Variants in ITGA5 observed in about 807,000 individuals in gnomAD.
The protein encoded by ITGA5 is integrin subunit alpha 5, also known as integrin alpha-5.
In ITGA5, 55 loss-of-function variants were observed where a neutral mutation model predicts 146.3. The ratio of observed to expected loss-of-function variants is 0.38; its 90% CI spans 0.30 to 0.47. The LOEUF (loss-of-function observed/expected upper bound fraction) is 0.47. Among genes scored for constraint, ITGA5 ranks in the 20% least tolerant of loss-of-function variants. ITGA5 has a pLI of 0.99. For synonymous variants in ITGA5, 500 were observed against 531.8 expected (o/e 0.94, Z 0.82); for missense variants, 1,131 against 1,329.0 (o/e 0.85, Z 2.32).
At chr12:54,400,235 T>A (rs1419112191) in intron 25 of ITGA5, 1 of 420,564 alleles carries the variant, frequency 2.4e-6, no homozygotes, top group Non-Finnish European at 4.3e-6. Flanking sequence ...CATCCCTGAG[T>A]CTTATAGACA....
chr12:54,409,765 CTGTT>C lies in ITGA5; in HGVS notation c.350-172_350-169del, dbSNP rs746755377. The C allele has an allele frequency of 1.7e-5, 10 of 591,136 alleles. No homozygotes were observed. The highest frequency in any genetic ancestry group is 5.6e-5 in the African/African-American group (3 of 53,670). The allele number at this position is 591,136 out of a possible 1,614,324, so 36.6% of individuals were successfully genotyped here. A position where few individuals can be genotyped will look rare whatever the true frequency, so the allele number is the denominator to read the frequency against. ...GGAGCTTAATTCTGCTTTGTGTAGT[CTGTT>C]TGTGTAGCCTGACTTATCTCTCCAC... is the stretch of plus-strand genomic sequence containing the variant. On this transcript the variant is annotated intron_variant, in intron 2 of 29. Coordinates refer to ENST00000293379, the MANE Select transcript of ITGA5 (RefSeq NM_002205.5). This position sits in a 1 kb window ranked among gnomAD's most constrained non-coding sequence, Gnocchi z 4.7.
chr12:54,407,947 T>C (rs1440891988), intron 7 of ITGA5, 71 bp from the exon 8 acceptor site: 1 of 1,524,962 alleles, frequency 6.6e-7, no homozygotes, highest in African/African-American at 1.4e-5. Flanking sequence ...TATCCACCAA[T>C]CCCTTCCCCA....
intron 7 of ITGA5, 54 bp from the exon 8 acceptor site, chr12:54,407,930 T>TCTGGC: frequency 6.5e-7 from 1 of 1,546,120 alleles, no homozygotes; most frequent in Non-Finnish European, 8.8e-7. Flanking sequence ...ACCCCTCTGC[T>TCTGGC]CTGGCCTATC....
At chr12:54,418,745 C>T (rs545483247) in intron 1 of ITGA5, among the ~76,000 whole-genome samples, 3 of 152,112 alleles carry the variant, frequency 2.0e-5, no homozygotes, top group African/African-American at 4.8e-5. Context: ...GTCCTCTCCC[C>T]ACCGGACACA....
chr12:54,405,185 C>T lies in ITGA5; in HGVS notation c.1206G>A (p.Leu402=), dbSNP rs756825693. The change falls in exon 12 of 30, where the codon CTG becomes CTA. Residue 402 remains leucine, a synonymous_variant. Coordinates refer to ENST00000293379, the MANE Select transcript of ITGA5 (RefSeq NM_002205.5). ...ACTCACCATTGTAGCCATCCTGGTC[C>T]AGGTCCCCCAGGGGGGTCAAGGAGC... ...FGSSLTPLGD[L]DQDGYNDVAI... The T allele has an allele frequency of 6.2e-7, 1 of 1,605,212 alleles. No homozygotes were observed. The highest frequency in any genetic ancestry group is 2.2e-5 in the East Asian group (1 of 44,702).
intron 1 of ITGA5, among the ~76,000 whole-genome samples, chr12:54,414,131 G>A (rs1955978044): frequency 6.6e-6 from 1 of 152,168 alleles, no homozygotes; most frequent in Non-Finnish European, 1.5e-5. Flanking sequence ...CTTTCCTCCC[G>A]GCACACTACC....
chr12:54,402,017 A>G lies in ITGA5; in HGVS notation c.2210T>C (p.Met737Thr). The G allele has an allele frequency of 6.2e-7, 1 of 1,613,976 alleles. No homozygotes were observed. Among genetic ancestry groups the G allele is most frequent in the Admixed American group, 1.7e-5 (1 of 60,016 alleles). ...CAAACTTACACTGGCTCCTGCCTTC[A>G]TGGGGTTGCCCAGGTCACACACCAG... ...RLLVCDLGNP[M>T]KAGASLWGGL... The change falls in exon 21 of 30, where the codon ATG becomes ACG. Residue 737 changes from methionine (M) to threonine (T), a missense_variant. This residue lies in a region of ITGA5 where 889 missense variants were observed against 1,021.5 expected (regional missense o/e 0.87). Transcript: ENST00000293379.
Position 54,397,436 on chromosome 12 carries a change from G to A in ITGA5, c.2995C>T (p.Leu999=). The change falls in exon 29 of 30, where the codon CTG becomes TTG. Residue 999 remains leucine (L), a synonymous_variant. Transcript: ENST00000293379. ...TKAEGSYGVP[L]WIIILAILFG... Reference sequence around the variant, plus strand: ...AGGATGGCTAGGATGATGATCCACAGTGGGACGCCATAGCTGCCTTCTGCC... The same window carrying A: ...AGGATGGCTAGGATGATGATCCACAATGGGACGCCATAGCTGCCTTCTGCC... 1.2e-6 allele frequency: 2 copies of A among 1,614,156 alleles called. No homozygotes were observed. The highest frequency in any genetic ancestry group is 1.7e-6 in the Non-Finnish European group (2 of 1,179,992).
chr12:54,405,820 G>C lies in ITGA5; in HGVS notation c.963+50C>G, dbSNP rs776569826. The C allele has an allele frequency of 1.9e-6, 3 of 1,602,598 alleles. No individual in the cohort carries two copies. In the African/African-American group the frequency reaches 4.0e-5, roughly 21 times the overall value. On this transcript the variant is annotated intron_variant, in intron 10 of 29. Transcript: ENST00000293379. ...GCTGACATTATTAGGTCAGGGCTGG[G>C]GCTTCGTTGACAGAGGCCAAGCTGG... is the stretch of plus-strand genomic sequence containing the variant.
In ITGA5 at chr12:54,399,740, A is replaced by G. The variant is rs762843772; in HGVS notation, c.2746T>C (p.Cys916Arg). 1 of 1,614,074 alleles carries G rather than the reference A, an allele frequency of 6.2e-7. No homozygotes were observed. Among genetic ancestry groups the G allele is most frequent in the South Asian group, 1.1e-5 (1 of 91,072 alleles). Residue 916 changes from cysteine (C) to arginine (R), a missense_variant, in exon 27 of 30, where the codon TGT becomes CGT. Transcript: ENST00000293379. ...CCGAGCTCACAGCGCAGCCTGAAAC[A>G]CTCAGCCTCCGGGCATTTCTAGGAA... ...PQILKCPEAE[C>R]FRLRCELGPL...
At position 54,404,254 on chromosome 12, in the gene ITGA5, G is replaced by C. The variant is rs1206313190; in HGVS notation, c.1464-8C>G. On this transcript the variant is annotated splice_region_variant and splice_polypyrimidine_tract_variant and intron_variant, in intron 14 of 29. Transcript: ENST00000293379. ...GACACGATGGGGCGGCCCCTGCCAAGAGTGAATGTGGGGTCAATAGAATTA... is the reference window on the plus strand; with the variant it reads ...GACACGATGGGGCGGCCCCTGCCAACAGTGAATGTGGGGTCAATAGAATTA... 4.4e-6 allele frequency: 7 copies of C among 1,597,210 alleles called. No homozygotes were observed. Among genetic ancestry groups the C allele is most frequent in the East Asian group, 2.2e-5 (1 of 44,842 alleles).
chr12:54,403,461 G>A lies in ITGA5; in HGVS notation c.1777-137C>T. 1.6e-6 allele frequency: 2 copies of A among 1,287,042 alleles called. No homozygotes were observed. Among genetic ancestry groups the A allele is most frequent in the Non-Finnish European group, 2.1e-6 (2 of 939,912 alleles). The allele number at this position is 1,287,042 out of a possible 1,614,324, so 79.7% of individuals were successfully genotyped here. A position where few individuals can be genotyped will look rare whatever the true frequency, so the allele number is the denominator to read the frequency against. ...CCTCATTGTTTCAGAGGCCCTGGCA[G>A]CCTGCTTCCCAGCTCCTCTGACAGA... On this transcript the variant is annotated intron_variant, in intron 17 of 29. Transcript: ENST00000293379. The surrounding 1 kb of genome is among the most constrained non-coding windows in gnomAD (Gnocchi z 4.9).
Position 54,404,405 on chromosome 12 carries a change from C to A in ITGA5, c.1463+25G>T, listed in dbSNP as rs763423936. Reference sequence around the variant, plus strand: ...CAGTTCCAGTCCACCCAGGTTGTCCCCTCATCTCCCTTTGGAGCTCATACC... The same window carrying A: ...CAGTTCCAGTCCACCCAGGTTGTCCACTCATCTCCCTTTGGAGCTCATACC... On this transcript the variant is annotated intron_variant, in intron 14 of 29. Coordinates refer to ENST00000293379, the MANE Select transcript of ITGA5 (RefSeq NM_002205.5). 15 of 1,612,474 alleles carry A rather than the reference C, an allele frequency of 9.3e-6. No homozygotes were observed. The African/African-American group carries it at 2.0e-4, about 22-fold the overall frequency.
chr12:54,402,412 C>T (rs945712933), intron 19 of ITGA5, 82 bp from the exon 20 acceptor site: 77 of 1,353,318 alleles, frequency 5.7e-5, no homozygotes, highest in East Asian at 7.0e-5. Flanking sequence ...AGTAGTAATA[C>T]GAGGCCGGGT....
In ITGA5 at chr12:54,405,899, G is replaced by A; in HGVS notation, c.934C>T (p.Arg312Ter). The change falls in exon 10 of 30, where the codon CGA (arginine) becomes TGA (stop). Residue 312 changes from arginine (R) to a stop codon, truncating the protein, a stop_gained. Transcript: ENST00000293379. LOFTEE classifies it high-confidence loss of function. ...YVTILNGSDI[R>*]SLYNFSGEQM... The stretch of plus-strand genomic sequence containing the variant: ...TCCCCTGAGAAGTTGTAGAGGGATC[G>A]AATGTCTGAGCCATTAAGGATGGTG... 6.2e-7 allele frequency: 1 copy of A among 1,613,992 alleles called. No individual in the cohort carries two copies. The highest frequency in any genetic ancestry group is 8.5e-7 in the Non-Finnish European group (1 of 1,179,906).
At chr12:54,405,076 G>T in intron 12 of ITGA5, 90 bp downstream of exon 12, 1 of 1,309,234 alleles carries the variant, frequency 7.6e-7, no homozygotes, top group Non-Finnish European at 1.1e-6. Context: ...TGGAGGTCTG[G>T]GTATCTTAGC....
intron 2 of ITGA5, among the ~76,000 whole-genome samples, chr12:54,410,679 C>T (rs556446665): frequency 6.6e-6 from 1 of 151,814 alleles, no homozygotes; most frequent in East Asian, 1.9e-4. Context: ...CCACCTCAAC[C>T]TCCCGAGTAG....
chr12:54,396,471 TC>T, intron 29 of ITGA5, 95 bp from the exon 30 acceptor site: 1 of 967,510 alleles, frequency 1.0e-6, no homozygotes, highest in Non-Finnish European at 1.6e-6. Flanking sequence ...CTCTAGTGCC[TC>T]CAACCTCTAC....
chr12:54,399,509 C>T lies in ITGA5; in HGVS notation c.2841+136G>A, dbSNP rs923804786. The T allele has an allele frequency of 1.3e-5, 9 of 671,300 alleles. No individual in the cohort carries two copies. The Admixed American group carries it at 1.7e-4, about 12-fold the overall frequency. The allele number at this position is 671,300 out of a possible 1,614,324, so 41.6% of individuals were successfully genotyped here. A position where few individuals can be genotyped will look rare whatever the true frequency, so the allele number is the denominator to read the frequency against. ...CCAAGGACATACAGCCTGGTCTAGA[C>T]AAGGGCAAGGAAGGGGAGCTGGAGT... On this transcript the variant is annotated intron_variant, in intron 27 of 29. Transcript: ENST00000293379.
Sources: gnomAD v4.1 joint callset for allele counts (sites outside exome capture counted in the v4.1 genomes callset) on GRCh38, gnomAD v4.1.1 for gene constraint, gnomAD v4.1.1 regional missense constraint, Gnocchi (gnomAD v3.1) non-coding constraint, MANE v1.5 for transcripts, NCBI Gene and HGNC (gene_info 2026-07-23, HGNC 2026-07-21) for gene names.